Variants in ARHGAP6 observed in about 807,000 individuals in gnomAD.
ARHGAP6 encodes rho GTPase-activating protein 6.
A neutral mutation model predicts 55.7 loss-of-function variants in ARHGAP6; 16 were observed. The observed-to-expected ratio is 0.29, with a 90% CI of 0.19 to 0.44. The LOEUF (loss-of-function observed/expected upper bound fraction) is 0.44, where lower values mean the gene tolerates loss of function less well. Ranked by LOEUF, ARHGAP6 falls within the 20% of genes least tolerant of loss-of-function variation. ARHGAP6 has a pLI of 1.00. For missense variants in ARHGAP6, 698 were observed against 808.9 expected (o/e 0.86, Z 1.66); for synonymous variants, 382 against 360.9 (o/e 1.06, Z -0.66).
chrX:11,625,190 C>T (rs2052280749), intron 1 of ARHGAP6, among the ~76,000 whole-genome samples: 2 of 111,266 alleles, frequency 1.8e-5, no homozygotes, highest in East Asian at 5.6e-4. Context: ...ATGCATCTGT[C>T]AAAGATATAT....
At chrX:11,320,900 A>G (rs745381144) in intron 1 of ARHGAP6, among the ~76,000 whole-genome samples, 3 of 110,211 alleles carry the variant, frequency 2.7e-5, no homozygotes, top group Non-Finnish European at 5.7e-5. Context: ...ACACACATGC[A>G]TACACACATG....
chrX:11,367,909 C>G, intron 1 of ARHGAP6: 5 of 360,692 alleles, frequency 1.4e-5, no homozygotes, highest in Non-Finnish European at 1.4e-5. Context: ...TTCCTGGTTT[C>G]CTGCACTGAC....
chrX:11,493,139 G>T (rs1424221704), intron 1 of ARHGAP6, among the ~76,000 whole-genome samples: 7 of 112,079 alleles, frequency 6.2e-5, no homozygotes, highest in African/African-American at 2.3e-4. Flanking sequence ...GCCTTTTATA[G>T]CAGCTTAAGC....
chrX:11,582,930 TA>T (rs1179114370), intron 1 of ARHGAP6, among the ~76,000 whole-genome samples: 22 of 111,514 alleles, frequency 2.0e-4, no homozygotes, highest in Middle Eastern at 4.7e-3. Flanking sequence ...GTTTTAAATT[TA>T]AAAAAAGGAA....
chrX:11,260,016 A>G (rs757288332), intron 1 of ARHGAP6, among the ~76,000 whole-genome samples: 3 of 111,579 alleles, frequency 2.7e-5, no homozygotes, highest in Admixed American at 1.9e-4. Context: ...GGCGAGTGCA[A>G]TGTCATCACA....
chrX:11,206,019 G>A (rs1246795586), intron 2 of ARHGAP6, among the ~76,000 whole-genome samples: 1 of 111,371 alleles, frequency 9.0e-6, no homozygotes, highest in East Asian at 2.8e-4. Context: ...TTCTCTCCCC[G>A]GCATGGAAAT....
chrX:11,384,901 ACCCT>A (rs1399460509), intron 1 of ARHGAP6, among the ~76,000 whole-genome samples: 1 of 111,510 alleles, frequency 9.0e-6, no homozygotes, highest in East Asian at 2.8e-4. Context: ...GTCCCAGCAA[ACCCT>A]CCAGTCCTGG....
rs769107248 is a variant in ARHGAP6, at chrX:11,301,637, A to AT, written c.589-46931dup. Reference sequence around the variant, plus strand: ...CTTGATTTTAAAGAATTTAGATTCAATTTTTTAAAGGTAGAAAAGCTTTTA... The same window carrying AT: ...CTTGATTTTAAAGAATTTAGATTCAATTTTTTTAAAGGTAGAAAAGCTTTTA... On this transcript the variant is annotated intron_variant, in intron 1 of 12. Transcript: ENST00000337414. Among the ~76,000 whole-genome samples the AT allele has an allele frequency of 4.5e-5, 5 of 112,019 alleles. No homozygotes were observed. The East Asian group carries it at 1.1e-3, about 25-fold the overall frequency.
intron 1 of ARHGAP6, among the ~76,000 whole-genome samples, chrX:11,346,213 A>G (rs1300235072): frequency 8.9e-6 from 1 of 112,046 alleles, no homozygotes; most frequent in East Asian, 2.8e-4. Flanking sequence ...TTGGCAAACT[A>G]CAGCCCCTGG....
intron 1 of ARHGAP6, among the ~76,000 whole-genome samples, chrX:11,587,562 A>G (rs1473264697): frequency 8.9e-6 from 1 of 111,900 alleles, no homozygotes; most frequent in Admixed American, 9.5e-5. Flanking sequence ...GAAGATGGTA[A>G]TGCAGTTAGT....
intron 1 of ARHGAP6, among the ~76,000 whole-genome samples, chrX:11,338,418 T>A (rs778531554): frequency 2.7e-5 from 3 of 111,871 alleles, no homozygotes; most frequent in Non-Finnish European, 5.6e-5. Context: ...CAAGCTCTTA[T>A]TTTTAGTGAG....
rs182142427 is a variant in ARHGAP6, at chrX:11,380,105, T to C, written c.589-125398A>G. 6.4e-4 allele frequency among the ~76,000 whole-genome samples: 72 copies of C among 111,675 alleles called. 1 individual carries two copies. The East Asian group carries it at 9.8e-3, about 15-fold the overall frequency. On this transcript the variant is annotated intron_variant, in intron 1 of 12. Transcript: ENST00000337414. ...ATGCACAAATAGAGAAGATTACTTA[T>C]TTGGGCCAGTAAATACGAAACTCAA...
chrX:11,479,902 C>T (rs762438482), intron 1 of ARHGAP6, among the ~76,000 whole-genome samples: 4 of 111,471 alleles, frequency 3.6e-5, no homozygotes, highest in African/African-American at 1.3e-4. Context: ...CAGGTGATCC[C>T]CCTTCAATTT....
At chrX:11,620,425 A>C (rs2052214506) in intron 1 of ARHGAP6, among the ~76,000 whole-genome samples, 1 of 112,707 alleles carries the variant, frequency 8.9e-6, no homozygotes, top group African/African-American at 3.2e-5. Flanking sequence ...ACAATGCCAG[A>C]ATATAAATTA....
chrX:11,437,381 A>G (rs1385168670), intron 1 of ARHGAP6, among the ~76,000 whole-genome samples: 1 of 112,638 alleles, frequency 8.9e-6, no homozygotes, highest in Non-Finnish European at 1.9e-5. Context: ...TTCATTCAAT[A>G]TTTCATTGCT....
intron 1 of ARHGAP6, among the ~76,000 whole-genome samples, chrX:11,547,156 T>C (rs2051219760): frequency 8.9e-6 from 1 of 112,418 alleles, no homozygotes; most frequent in African/African-American, 3.2e-5. Context: ...CACTGCAGTG[T>C]GGAAATGGGT....
At chrX:11,399,735 T>C (rs1299026553) in intron 1 of ARHGAP6, among the ~76,000 whole-genome samples, 2 of 112,086 alleles carry the variant, frequency 1.8e-5, no homozygotes, top group African/African-American at 6.5e-5. Context: ...CTATATTTCA[T>C]TTCAAGAGAA....
chrX:11,625,430 G>A (rs2052285831), intron 1 of ARHGAP6, among the ~76,000 whole-genome samples: 1 of 110,970 alleles, frequency 9.0e-6, no homozygotes, highest in Non-Finnish European at 1.9e-5. Context: ...TGTTAGTGAA[G>A]TAAGTCAAGC....
intron 1 of ARHGAP6, among the ~76,000 whole-genome samples, chrX:11,288,659 A>C (rs888346285): frequency 3.6e-5 from 4 of 110,647 alleles, no homozygotes; most frequent in Non-Finnish European, 5.7e-5. Flanking sequence ...GTAACTCCCC[A>C]TTTCCCCCTT....
Sources: allele counts gnomAD v4.1 joint callset (sites outside exome capture counted in the v4.1 genomes callset), GRCh38; gene constraint gnomAD v4.1.1; transcripts MANE v1.5; gene names NCBI Gene and HGNC (gene_info 2026-07-23, HGNC 2026-07-21).